ATAD1: variants seen among roughly 807,000 people sequenced by gnomAD.
The protein encoded by ATAD1 is outer mitochondrial transmembrane helix translocase.
A neutral mutation model predicts 42.7 loss-of-function variants in ATAD1; 18 were observed. The ratio of observed to expected loss-of-function variants is 0.42; its 90% CI spans 0.29 to 0.63. The LOEUF is 0.63. ATAD1 is among the 20% of genes least tolerant of loss of function. The probability of loss-of-function intolerance (pLI) is 0.19; values close to 1 mark genes in which losing one functional copy is unlikely to be tolerated. For synonymous variants in ATAD1, 132 were observed against 143.1 expected (o/e 0.92, Z 0.55); for missense variants, 294 against 440.4 (o/e 0.67, Z 2.98).
intron 8 of ATAD1, 29 bp downstream of exon 8, chr10:87,767,644 C>T (rs370815376): frequency 7.3e-5 from 115 of 1,575,520 alleles, no homozygotes; most frequent in African/African-American, 4.5e-4. Context: ...ATTTATAGGA[C>T]GGGGAAAAAA....
Position 87,754,728 on chromosome 10 carries a change from C to T in ATAD1, c.1045G>A (p.Ala349Thr). Residue 349 changes from alanine to threonine, a missense_variant, in exon 10 of 10, where the codon GCA becomes ACA. By Grantham distance (58) the Ala-to-Thr change is moderately conservative (BLOSUM62 0). Transcript: ENST00000680024. The part of the protein sequence containing the change: ...AIEKMKKSKD[A>T]AFQNVLTHVC... ...TGTGTTAAAACATTCTGAAATGCTG[C>T]ATCCTTTGATTTCTTCATCTTTTCA... 2 of 1,613,718 alleles carry T rather than the reference C, an allele frequency of 1.2e-6. No individual in the cohort carries two copies. Among genetic ancestry groups the T allele is most frequent in the Non-Finnish European group, 1.7e-6 (2 of 1,179,760 alleles).
intron 1 of ATAD1, among the ~76,000 whole-genome samples, chr10:87,815,220 T>C (rs535238351): frequency 2.0e-5 from 3 of 152,060 alleles, no homozygotes; most frequent in Non-Finnish European, 4.4e-5. Context: ...CAATAGAACT[T>C]GGAAAAATCT....
intron 2 of ATAD1, among the ~76,000 whole-genome samples, chr10:87,801,137 T>C (rs1001372896): frequency 1.3e-5 from 2 of 152,194 alleles, no homozygotes; most frequent in Admixed American, 1.3e-4. Context: ...TAAATTGAAT[T>C]GGTTTCATGC....
At chr10:87,789,864 C>T (rs909036638) in intron 4 of ATAD1, among the ~76,000 whole-genome samples, 3 of 152,128 alleles carry the variant, frequency 2.0e-5, no homozygotes, top group African/African-American at 7.2e-5. Context: ...ACATCTCCAT[C>T]AAAGTTAAAT....
intron 6 of ATAD1, among the ~76,000 whole-genome samples, chr10:87,775,372 C>T (rs1211385067): frequency 8.0e-6 from 1 of 124,604 alleles, no homozygotes; most frequent in African/African-American, 3.0e-5. Flanking sequence ...AGTGAGCCGA[C>T]ATCACACCAC....
rs904878344 is a variant in ATAD1 at position 87,772,217 on chromosome 10, CT to C, written c.691-1177del. 1.8e-3 allele frequency among the ~76,000 whole-genome samples: 268 copies of C among 148,850 alleles called. 1 individual carries two copies. Among genetic ancestry groups the C allele is most frequent in the African/African-American group, 5.6e-3 (227 of 40,662 alleles). ...TTTTCTTTATTTTCTTTCTTTCTTT[CT>C]TTTTTTTTTTGAAGACAGAAAGTAG... is the stretch of plus-strand genomic sequence containing the variant. On this transcript the variant is annotated intron_variant, in intron 6 of 9. Coordinates refer to ENST00000680024, the MANE Select transcript of ATAD1 (RefSeq NM_001321967.2).
At chr10:87,767,751 ATTTTTAT>A (rs758724107) in intron 7 of ATAD1, 28 bp from the exon 8 acceptor site, 57 of 1,579,014 alleles carry the variant, frequency 3.6e-5, no homozygotes, top group Non-Finnish European at 4.1e-5. Flanking sequence ...TCCAGTTAGC[ATTTTTAT>A]TTTTTATTTT....
intron 8 of ATAD1, among the ~76,000 whole-genome samples, chr10:87,767,248 G>C (rs1854796693): frequency 6.6e-6 from 1 of 152,258 alleles, no homozygotes; most frequent in South Asian, 2.1e-4. Flanking sequence ...GTTCAAAGGT[G>C]TATCAGTGCC....
intron 1 of ATAD1, among the ~76,000 whole-genome samples, chr10:87,823,314 T>G (rs1002679619): frequency 7.6e-4 from 116 of 152,332 alleles, no homozygotes; most frequent in African/African-American, 2.7e-3. Flanking sequence ...TTTAAAAACT[T>G]CTACCAAAAA....
intron 2 of ATAD1, among the ~76,000 whole-genome samples, chr10:87,793,142 G>A (rs1856209302): frequency 1.3e-5 from 2 of 152,142 alleles, no homozygotes; most frequent in Non-Finnish European, 2.9e-5. Context: ...GAGTTAAGGA[G>A]GGCAAGAAAT....
intron 1 of ATAD1, among the ~76,000 whole-genome samples, chr10:87,825,320 T>G (rs1304005261): frequency 6.6e-6 from 1 of 150,502 alleles, no homozygotes; most frequent in Non-Finnish European, 1.5e-5. Context: ...TTTTTTTTTT[T>G]TTTTTTTGAG....
At chr10:87,770,052 C>T (rs955251655) in intron 7 of ATAD1, among the ~76,000 whole-genome samples, 5 of 152,138 alleles carry the variant, frequency 3.3e-5, no homozygotes, top group African/African-American at 1.2e-4. Flanking sequence ...TGTGCACACA[C>T]TTAACCACTT....
chr10:87,792,900 C>T (rs1856197392), intron 2 of ATAD1, 145 bp from the exon 3 acceptor site: 5 of 641,844 alleles, frequency 7.8e-6, no homozygotes, highest in Non-Finnish European at 1.4e-5. Flanking sequence ...TTGATCTTAG[C>T]CTTCTCCATT....
At chr10:87,761,785 A>T (rs1173077275) in intron 8 of ATAD1, among the ~76,000 whole-genome samples, 1 of 152,068 alleles carries the variant, frequency 6.6e-6, no homozygotes, top group Non-Finnish European at 1.5e-5. Flanking sequence ...TTTCTTTTTT[A>T]GAGACAGGAT....
At chr10:87,818,344 A>T, upstream of ATAD1, 3 of 831,660 alleles carry the variant, frequency 3.6e-6, 1 homozygote, top group South Asian at 1.7e-4. Context: ...ACAGTGAGGG[A>T]GAGCAAATTC....
intron 2 of ATAD1, among the ~76,000 whole-genome samples, chr10:87,807,277 T>A (rs1013752308): frequency 6.6e-6 from 1 of 152,188 alleles, no homozygotes; most frequent in Non-Finnish European, 1.5e-5. Flanking sequence ...CTATGAGCAC[T>A]CTTGTATGTA....
At chr10:87,777,498 C>T (rs893681154) in intron 5 of ATAD1, among the ~76,000 whole-genome samples, 1 of 151,628 alleles carries the variant, frequency 6.6e-6, no homozygotes, top group Non-Finnish European at 1.5e-5. Context: ...TTTCTGTCTT[C>T]CAAATTATCT....
intron 3 of ATAD1, among the ~76,000 whole-genome samples, chr10:87,792,208 C>T (rs1439524961): frequency 6.6e-6 from 1 of 152,230 alleles, no homozygotes; most frequent in Non-Finnish European, 1.5e-5. Flanking sequence ...TGTGCCTAAA[C>T]TGTTTGTGCA....
intron 8 of ATAD1, among the ~76,000 whole-genome samples, chr10:87,758,902 T>C (rs1430607261): frequency 6.6e-6 from 1 of 152,210 alleles, no homozygotes; most frequent in East Asian, 1.9e-4. Flanking sequence ...TCTCATGTAC[T>C]GCCACATCAG....
Sources: allele counts gnomAD v4.1 joint callset (sites outside exome capture counted in the v4.1 genomes callset), GRCh38; gene constraint gnomAD v4.1.1; transcripts MANE v1.5; gene names NCBI Gene and HGNC (gene_info 2026-07-23, HGNC 2026-07-21).